The following OPCML variants were observed in gnomAD, a reference collection of about 807,000 sequenced individuals.
The protein encoded by OPCML is opioid binding protein/cell adhesion molecule like.
OPCML carries 13 observed loss-of-function variants against 37.8 expected under a neutral mutation model. The ratio of observed to expected loss-of-function variants is 0.34; its 90% CI spans 0.22 to 0.55. The LOEUF is 0.55. Ranked by LOEUF, OPCML falls within the 20% of genes least tolerant of loss-of-function variation. The pLI, the probability that OPCML is intolerant of heterozygous loss-of-function variation, is 0.91. For synonymous variants in OPCML, 176 were observed against 168.8 expected (o/e 1.04, Z -0.33); for missense variants, 341 against 435.6 (o/e 0.78, Z 1.93).
intron 4 of OPCML, among the ~76,000 whole-genome samples, chr11:132,493,007 A>G (rs1249022304): frequency 6.6e-6 from 1 of 152,210 alleles, no homozygotes; most frequent in Non-Finnish European, 1.5e-5. Flanking sequence ...TGGATGGATG[A>G]TTGACACATT....
At chr11:132,486,063 T>C (rs1394165245) in intron 4 of OPCML, among the ~76,000 whole-genome samples, 4 of 152,238 alleles carry the variant, frequency 2.6e-5, no homozygotes, top group Non-Finnish European at 5.9e-5. Flanking sequence ...CTTAGTATTG[T>C]CAGTCACATT....
chr11:133,424,291 G>C (rs561741468), intron 1 of OPCML, among the ~76,000 whole-genome samples: 8 of 149,504 alleles, frequency 5.4e-5, no homozygotes, highest in Non-Finnish European at 8.9e-5. Flanking sequence ...TTTTCTCCTT[G>C]GAGGGCATCT....
At chr11:133,269,668 G>C (rs1433308921) in intron 1 of OPCML, among the ~76,000 whole-genome samples, 1 of 152,202 alleles carries the variant, frequency 6.6e-6, no homozygotes, top group African/African-American at 2.4e-5. Flanking sequence ...CAACAGGCTA[G>C]ACAAAGTAGC....
intron 1 of OPCML, among the ~76,000 whole-genome samples, chr11:133,349,939 A>C (rs769901180): frequency 6.6e-6 from 1 of 152,190 alleles, no homozygotes; most frequent in Non-Finnish European, 1.5e-5. Flanking sequence ...TTGAAACACT[A>C]GTGGACTGGA....
chr11:133,350,290 G>A (rs1321322557), intron 1 of OPCML, among the ~76,000 whole-genome samples: 1 of 152,176 alleles, frequency 6.6e-6, no homozygotes, highest in Non-Finnish European at 1.5e-5. Flanking sequence ...ACACTGCCTG[G>A]TGACAGGTCT....
intron 1 of OPCML, among the ~76,000 whole-genome samples, chr11:133,318,519 C>T (rs1390541516): frequency 1.3e-5 from 2 of 152,248 alleles, no homozygotes; most frequent in East Asian, 3.9e-4. Flanking sequence ...CCACCCTGTT[C>T]CTGGGCTATA....
At chr11:133,326,626 TGG>T (rs1301640126) in intron 1 of OPCML, among the ~76,000 whole-genome samples, 1 of 96,426 alleles carries the variant, frequency 1.0e-5, no homozygotes, top group Non-Finnish European at 2.0e-5. Flanking sequence ...AGAGTGTGGG[TGG>T]GTGTATGTGG....
At chr11:133,244,929 T>G (rs1435166475) in intron 1 of OPCML, among the ~76,000 whole-genome samples, 1 of 152,176 alleles carries the variant, frequency 6.6e-6, no homozygotes, top group Non-Finnish European at 1.5e-5. Context: ...GGGGGAGACA[T>G]GGTACCCTGA....
At chr11:132,438,256 C>T (rs75066584) in intron 4 of OPCML, among the ~76,000 whole-genome samples, 3 of 152,228 alleles carry the variant, frequency 2.0e-5, no homozygotes, top group African/African-American at 4.8e-5. Context: ...TCTTCCATCA[C>T]AAATGTTCTG....
At chr11:132,549,029 C>A (rs371045936) in intron 3 of OPCML, among the ~76,000 whole-genome samples, 2 of 152,178 alleles carry the variant, frequency 1.3e-5, no homozygotes, top group East Asian at 1.9e-4. Flanking sequence ...AAAATGTGGT[C>A]GAGACCTCCT....
intron 4 of OPCML, among the ~76,000 whole-genome samples, chr11:132,517,858 AT>A (rs1215871610): frequency 6.6e-6 from 1 of 152,182 alleles, no homozygotes; most frequent in African/African-American, 2.4e-5. Flanking sequence ...TATGTAAAGC[AT>A]ATTATTACTA....
intron 1 of OPCML, among the ~76,000 whole-genome samples, chr11:133,387,878 G>T (rs2136800964): frequency 6.6e-6 from 1 of 152,304 alleles, no homozygotes; most frequent in Admixed American, 6.5e-5. Context: ...GGTTACTTCG[G>T]CAGAGAACTG....
At chr11:132,528,827 T>G (rs1340640702) in intron 4 of OPCML, among the ~76,000 whole-genome samples, 1 of 152,234 alleles carries the variant, frequency 6.6e-6, no homozygotes, top group East Asian at 1.9e-4. Flanking sequence ...TTCTTCATAG[T>G]TTGGAAAACA....
At chr11:133,265,595 A>G (rs548829028) in intron 1 of OPCML, among the ~76,000 whole-genome samples, 1 of 152,272 alleles carries the variant, frequency 6.6e-6, no homozygotes, top group African/African-American at 2.4e-5. Flanking sequence ...ACAAAGTGGG[A>G]TTTGATTATT....
chr11:132,495,735 C>T (rs577285544), intron 4 of OPCML, among the ~76,000 whole-genome samples: 1 of 152,036 alleles, frequency 6.6e-6, no homozygotes, highest in South Asian at 2.1e-4. Flanking sequence ...ACTAAAAATA[C>T]AAAAACAAAA....
At chr11:132,543,799 A>C (rs2096362811) in intron 3 of OPCML, among the ~76,000 whole-genome samples, 1 of 152,180 alleles carries the variant, frequency 6.6e-6, no homozygotes, top group South Asian at 2.1e-4. Context: ...CTGGATCCAC[A>C]AAAGACATTA....
At chr11:133,215,350 G>A (rs1367734131) in intron 1 of OPCML, among the ~76,000 whole-genome samples, 5 of 152,120 alleles carry the variant, frequency 3.3e-5, no homozygotes, top group Non-Finnish European at 7.4e-5. Flanking sequence ...GGAAGAAAAG[G>A]CTTTACAGCT....
intron 1 of OPCML, among the ~76,000 whole-genome samples, chr11:133,047,027 G>C (rs1256732281): frequency 6.6e-6 from 1 of 152,116 alleles, no homozygotes; most frequent in African/African-American, 2.4e-5. Flanking sequence ...TGGAAACAGA[G>C]AAGGCTTCAA....
intron 2 of OPCML, among the ~76,000 whole-genome samples, chr11:132,861,274 G>C (rs550327853): frequency 3.3e-5 from 5 of 152,194 alleles, no homozygotes; most frequent in South Asian, 2.1e-4. Context: ...AGGGCTAGGC[G>C]CTTGTTTTCA....
Sources: allele counts gnomAD v4.1 joint callset (sites outside exome capture counted in the v4.1 genomes callset), GRCh38; gene constraint gnomAD v4.1.1; transcripts MANE v1.5; gene names NCBI Gene and HGNC (gene_info 2026-07-23, HGNC 2026-07-21).